DUSP16: variants seen among roughly 807,000 people sequenced by gnomAD.
The protein encoded by DUSP16 is dual specificity phosphatase 16, also known as dual specificity protein phosphatase 16.
DUSP16 carries 21 observed loss-of-function variants against 58.3 expected under a neutral mutation model. That is an observed-to-expected ratio of 0.36 (90% confidence interval 0.26 to 0.52). The LOEUF (loss-of-function observed/expected upper bound fraction) is 0.52. DUSP16 is among the 20% of genes least tolerant of loss of function. The pLI, the probability that DUSP16 is intolerant of heterozygous loss-of-function variation, is 0.94. For synonymous variants in DUSP16, 320 were observed against 323.8 expected (o/e 0.99, Z 0.12); for missense variants, 726 against 819.0 (o/e 0.89, Z 1.39).
intron 4 of DUSP16, among the ~76,000 whole-genome samples, chr12:12,492,923 A>G (rs1943781073): frequency 6.6e-6 from 1 of 151,970 alleles, no homozygotes; most frequent in South Asian, 2.1e-4. Flanking sequence ...TCCTTCCTCA[A>G]TATTTACTTC....
intron 1 of DUSP16, among the ~76,000 whole-genome samples, chr12:12,525,442 A>G (rs1944292364): frequency 1.3e-5 from 2 of 150,398 alleles, no homozygotes; most frequent in Admixed American, 6.6e-5. Context: ...CTAATTTTGT[A>G]TTTCTAGTAG....
Position 12,473,874 on chromosome 12 carries a change from A to G in DUSP16, c.*2959T>C, listed in dbSNP as rs963568634. 3.3e-5 allele frequency among the ~76,000 whole-genome samples: 5 copies of G among 152,200 alleles called. No individual in the cohort carries two copies. Among genetic ancestry groups the G allele is most frequent in the Non-Finnish European group, 5.9e-5 (4 of 68,028 alleles). ...AACATCATTTACATGTTATATCGAA[A>G]TGGGCCATGTGTGTGTAGCTGGCCT... On this transcript the variant is annotated 3_prime_UTR_variant, in exon 7 of 7. Coordinates refer to ENST00000298573, the MANE Select transcript of DUSP16 (RefSeq NM_030640.3).
At chr12:12,537,395 A>T (rs78810743) in intron 1 of DUSP16, among the ~76,000 whole-genome samples, 1 of 152,380 alleles carries the variant, frequency 6.6e-6, no homozygotes, top group East Asian at 1.9e-4. Flanking sequence ...TGTATTCTAC[A>T]CAAAGCAATA....
intron 4 of DUSP16, among the ~76,000 whole-genome samples, chr12:12,500,004 G>T (rs1943886793): frequency 6.6e-6 from 1 of 151,932 alleles, no homozygotes; most frequent in Non-Finnish European, 1.5e-5. Flanking sequence ...CCTCCAAAGA[G>T]CTTTAACCCA....
In DUSP16 at chr12:12,535,952, G is replaced by C. The variant is rs561803384; in HGVS notation, c.-365-14489C>G. On this transcript the variant is annotated intron_variant, in intron 1 of 6. Coordinates refer to ENST00000298573, the MANE Select transcript of DUSP16 (RefSeq NM_030640.3). ...TAAGTTGGTAGAGTAAAAGGGGCTA[G>C]ATGGTAAAGAATCCTGAAGTCTAAA... is the stretch of plus-strand genomic sequence containing the variant. Among the ~76,000 whole-genome samples the C allele has an allele frequency of 7.5e-4, 114 of 152,344 alleles. 1 individual carries two copies. The highest frequency in any genetic ancestry group is 2.6e-3 in the African/African-American group (110 of 41,576).
Position 12,487,056 on chromosome 12 carries a change from C to T in DUSP16, c.663G>A (p.Pro221=), listed in dbSNP as rs372821072. 1.2e-5 allele frequency: 20 copies of T among 1,613,952 alleles called. No homozygotes were observed. Among genetic ancestry groups the T allele is most frequent in the Admixed American group, 5.0e-5 (3 of 60,002 alleles). Reference sequence around the variant, plus strand: ...TGAAATCTACTGATTTGTCCAACCACGGCAAAATTTTCTCACAAAAGCTGT... The same window carrying T: ...TGAAATCTACTGATTTGTCCAACCATGGCAAAATTTTCTCACAAAAGCTGT... ...VNDSFCEKIL[P]WLDKSVDFIE... is the part of the protein sequence containing the mutation. Residue 221 remains proline (P), a synonymous_variant, in exon 5 of 7, where the codon CCG becomes CCA. Transcript: ENST00000298573.
At chr12:12,490,242 G>A (rs1943742740) in intron 4 of DUSP16, among the ~76,000 whole-genome samples, 2 of 151,998 alleles carry the variant, frequency 1.3e-5, no homozygotes, top group South Asian at 2.1e-4. Context: ...AACGCAAAAT[G>A]GACTGAGAAA....
intron 4 of DUSP16, among the ~76,000 whole-genome samples, chr12:12,500,308 C>T (rs1234345510): frequency 6.6e-6 from 1 of 152,128 alleles, no homozygotes; most frequent in Non-Finnish European, 1.5e-5. Flanking sequence ...AACAAGTAGA[C>T]ATGACAATAA....
At chr12:12,557,563 T>C (rs1324340131) in intron 1 of DUSP16, among the ~76,000 whole-genome samples, 1 of 152,148 alleles carries the variant, frequency 6.6e-6, no homozygotes, top group Non-Finnish European at 1.5e-5. Flanking sequence ...CTGGTTAATG[T>C]GTAGATTTTT....
At chr12:12,527,963 C>T (rs756317888) in intron 1 of DUSP16, among the ~76,000 whole-genome samples, 8 of 152,208 alleles carry the variant, frequency 5.3e-5, no homozygotes, top group Non-Finnish European at 8.8e-5. Context: ...ATAATGCCTG[C>T]GCTTTTAGGC....
intron 1 of DUSP16, among the ~76,000 whole-genome samples, chr12:12,537,779 G>A (rs1239516669): frequency 6.6e-6 from 1 of 152,198 alleles, no homozygotes; most frequent in Non-Finnish European, 1.5e-5. Flanking sequence ...ATCAGAGACT[G>A]AAAGCCCCTC....
intron 1 of DUSP16, among the ~76,000 whole-genome samples, chr12:12,558,645 G>C (rs1472133482): frequency 6.6e-6 from 1 of 152,128 alleles, no homozygotes; most frequent in Admixed American, 6.5e-5. Context: ...CTCTTAAAGT[G>C]CTGGGATTAT....
intron 5 of DUSP16, among the ~76,000 whole-genome samples, chr12:12,483,997 T>C: frequency 6.6e-6 from 1 of 151,830 alleles, no homozygotes; most frequent in Middle Eastern, 3.4e-3. Context: ...AATTTAAAAA[T>C]TAAAAAAAAA....
In DUSP16 at chr12:12,473,805, A is replaced by G. The variant is rs1308233234; in HGVS notation, c.*3028T>C. Among the ~76,000 whole-genome samples, 1 of 152,258 alleles carries G rather than the reference A, an allele frequency of 6.6e-6. No homozygotes were observed. Among genetic ancestry groups the G allele is most frequent in the Admixed American group, 6.5e-5 (1 of 15,286 alleles). On this transcript the variant is annotated 3_prime_UTR_variant, in exon 7 of 7. Coordinates refer to ENST00000298573, the MANE Select transcript of DUSP16 (RefSeq NM_030640.3). ...GATGTATGTGGCAAGGACAAAGGACAGCTCTTCAACAATTGCCCTTCCTGT... is the reference window on the plus strand; with the variant it reads ...GATGTATGTGGCAAGGACAAAGGACGGCTCTTCAACAATTGCCCTTCCTGT...
chr12:12,553,066 C>A (rs1336775962), intron 1 of DUSP16, among the ~76,000 whole-genome samples: 2 of 152,104 alleles, frequency 1.3e-5, no homozygotes, highest in Non-Finnish European at 2.9e-5. Context: ...CAGGCATGAG[C>A]CACCATGCCT....
chr12:12,500,808 T>C, intron 3 of DUSP16, 126 bp from the exon 4 acceptor site: 1 of 819,142 alleles, frequency 1.2e-6, no homozygotes, highest in Non-Finnish European at 1.8e-6. Flanking sequence ...CACCTATTCC[T>C]GGCTACAGCT....
chr12:12,550,088 C>T (rs1399071416), intron 1 of DUSP16, among the ~76,000 whole-genome samples: 2 of 152,192 alleles, frequency 1.3e-5, no homozygotes, highest in East Asian at 3.9e-4. Context: ...GCCTGGCCAA[C>T]ATGGTGAAAC....
At position 12,544,207 on chromosome 12, in the gene DUSP16, G is replaced by A. The variant is rs115149054; in HGVS notation, c.-366+17910C>T. ...GAACCTGACTTCTTATACCATGGCT[G>A]AGTTTTGCCTGTTTTTGAGCTCTTT... is the stretch of plus-strand genomic sequence containing the variant. On this transcript the variant is annotated intron_variant, in intron 1 of 6. Transcript: ENST00000298573. 1.7e-3 allele frequency among the ~76,000 whole-genome samples: 256 copies of A among 152,166 alleles called. 2 individuals carry two copies. The highest frequency in any genetic ancestry group is 5.8e-3 in the African/African-American group (242 of 41,512).
intron 5 of DUSP16, among the ~76,000 whole-genome samples, chr12:12,483,319 G>A (rs936173689): frequency 1.3e-5 from 2 of 152,114 alleles, no homozygotes; most frequent in Admixed American, 1.3e-4. Flanking sequence ...AGCCAATTAT[G>A]AGTCAGGTAC....
Sources: gnomAD v4.1 joint callset for allele counts (sites outside exome capture counted in the v4.1 genomes callset) on GRCh38, gnomAD v4.1.1 for gene constraint, MANE v1.5 for transcripts, NCBI Gene and HGNC (gene_info 2026-07-23, HGNC 2026-07-21) for gene names.